The following AOPEP variants were observed in gnomAD, a reference collection of about 807,000 sequenced individuals.
AOPEP encodes the protein aminopeptidase O (putative), also known as aminopeptidase O.
A neutral mutation model predicts 98.1 loss-of-function variants in AOPEP; 77 were observed. The ratio of observed to expected loss-of-function variants is 0.78; its 90% confidence interval spans 0.65 to 0.95. The LOEUF (loss-of-function observed/expected upper bound fraction) is 0.95, where lower values mean the gene tolerates loss of function less well. AOPEP is among the 40% of genes least tolerant of loss of function. The probability of loss-of-function intolerance (pLI) is 0.00; values close to 1 mark genes in which losing one functional copy is unlikely to be tolerated. For missense variants in AOPEP, 1,024 were observed against 1,024.7 expected, an observed-to-expected ratio of 1.00 and a Z score of 0.01; for synonymous variants, 346 against 365.3, an observed-to-expected ratio of 0.95 and a Z score of 0.60.
At chr9:95,088,576 C>T (rs777874219), downstream of AOPEP, among the ~76,000 whole-genome samples, 3 of 152,126 alleles carry the variant, frequency 2.0e-5, no homozygotes, top group Non-Finnish European at 4.4e-5. Context: ...CCAGGAAGGA[C>T]CGTGGGAGTA....
At chr9:94,817,226 A>T (rs1851904105) in intron 5 of AOPEP, among the ~76,000 whole-genome samples, 1 of 152,124 alleles carries the variant, frequency 6.6e-6, no homozygotes, top group Non-Finnish European at 1.5e-5. Context: ...GCTGGTCGCG[A>T]ACTCCTGGAC....
At chr9:94,928,055 G>C (rs566704822) in intron 6 of AOPEP, among the ~76,000 whole-genome samples, 37 of 152,308 alleles carry the variant, frequency 2.4e-4, no homozygotes, top group African/African-American at 8.9e-4. Flanking sequence ...GTGAACGGTG[G>C]GGCCTTCCCC....
the AOPEP span, chr9:95,123,940 A>T: frequency 2.9e-5 from 11 of 375,138 alleles, no homozygotes; most frequent in Non-Finnish European, 4.6e-5. Flanking sequence ...GTACTTAATT[A>T]AAAAATACAA....
At chr9:95,027,877 A>G (rs1475982417) in intron 13 of AOPEP, among the ~76,000 whole-genome samples, 1 of 152,206 alleles carries the variant, frequency 6.6e-6, no homozygotes, top group Non-Finnish European at 1.5e-5. Context: ...TGAGCAAATC[A>G]AGTGAACCTA....
chr9:94,975,584 A>C (rs1173169545), intron 10 of AOPEP, among the ~76,000 whole-genome samples: 1 of 152,164 alleles, frequency 6.6e-6, no homozygotes, highest in Non-Finnish European at 1.5e-5. Context: ...GGGGCCCACT[A>C]TCTGCACAGT....
chr9:95,002,067 C>A lies in AOPEP; in HGVS notation c.1978-3091C>A, dbSNP rs565914690. ...GTGCGGGGATTACAGGTGTGAGCCA[C>A]CGTGCACAGCCTGTTTATAAAGTTA... On this transcript the variant is annotated intron_variant, in intron 11 of 16. Transcript: ENST00000375315. Among the ~76,000 whole-genome samples the A allele has an allele frequency of 6.0e-4, 91 of 152,072 alleles. 2 individuals carry two copies. Among genetic ancestry groups the A allele is most frequent in the Non-Finnish European group, 1.2e-3 (85 of 68,012 alleles).
chr9:94,810,800 T>G (rs1055753451), intron 5 of AOPEP, among the ~76,000 whole-genome samples: 1 of 152,222 alleles, frequency 6.6e-6, no homozygotes, highest in East Asian at 1.9e-4. Flanking sequence ...AGCAAAAGTT[T>G]CAGAAGGGGG....
At chr9:94,928,049 A>C (rs533003640) in intron 6 of AOPEP, among the ~76,000 whole-genome samples, 38 of 152,338 alleles carry the variant, frequency 2.5e-4, no homozygotes, top group African/African-American at 8.9e-4. Context: ...TCGGAGGTGA[A>C]CGGTGGGGCC....
At chr9:95,132,368 C>T in the AOPEP span, among the ~76,000 whole-genome samples, 56 of 152,320 alleles carry the variant, frequency 3.7e-4, no homozygotes, top group East Asian at 8.1e-3. Context: ...CTTGGGAAAC[C>T]GAACAATGCC....
chr9:94,879,963 G>A (rs943733330), intron 5 of AOPEP, among the ~76,000 whole-genome samples: 1 of 152,216 alleles, frequency 6.6e-6, no homozygotes, highest in Non-Finnish European at 1.5e-5. Flanking sequence ...GGCCCTTTGT[G>A]AATCCACGCT....
chr9:94,833,083 G>A (rs1457813883), intron 5 of AOPEP, among the ~76,000 whole-genome samples: 2 of 151,686 alleles, frequency 1.3e-5, no homozygotes, highest in East Asian at 1.9e-4. Flanking sequence ...TTATAGGTGC[G>A]TGCCACCATG....
intron 11 of AOPEP, among the ~76,000 whole-genome samples, chr9:94,993,502 A>G (rs990551620): frequency 7.9e-5 from 12 of 152,246 alleles, no homozygotes; most frequent in African/African-American, 2.7e-4. Context: ...ATTTTATAGC[A>G]AAACGTTGCA....
chr9:94,882,082 A>G (rs997341502), intron 5 of AOPEP, among the ~76,000 whole-genome samples: 5 of 152,358 alleles, frequency 3.3e-5, no homozygotes, highest in Admixed American at 6.5e-5. Context: ...GCTCAGCTTT[A>G]GAACATGGAG....
intron 1 of AOPEP, among the ~76,000 whole-genome samples, chr9:94,739,666 T>G (rs1832629413): frequency 1.3e-5 from 2 of 151,696 alleles, no homozygotes; most frequent in African/African-American, 4.8e-5. Context: ...AAAAAAGATT[T>G]GGAGTGTTTA....
chr9:94,739,506 G>T (rs1001371854), intron 1 of AOPEP, among the ~76,000 whole-genome samples: 1 of 151,986 alleles, frequency 6.6e-6, no homozygotes, highest in Non-Finnish European at 1.5e-5. Context: ...TTAGCCAGGC[G>T]TGGTGGCAGG....
intron 13 of AOPEP, chr9:95,020,033 TGA>T (rs1332730740): frequency 6.6e-6 from 1 of 152,252 alleles, no homozygotes; most frequent in African/African-American, 2.4e-5. Context: ...GCTGGAGTTG[TGA>T]GAGCTGGGAA....
At chr9:94,954,169 CA>C (rs1195340587) in intron 7 of AOPEP, among the ~76,000 whole-genome samples, 2 of 152,024 alleles carry the variant, frequency 1.3e-5, no homozygotes, top group Non-Finnish European at 1.5e-5. Flanking sequence ...CAGAAAAAAA[CA>C]AAAATTAGCT....
At chr9:94,773,199 G>C in intron 3 of AOPEP, 31 bp downstream of exon 3, 1 of 1,592,412 alleles carries the variant, frequency 6.3e-7, no homozygotes, top group Non-Finnish European at 8.6e-7. Flanking sequence ...GCTTATTTAT[G>C]TATTGCACAC....
At position 95,086,259 on chromosome 9, in the gene AOPEP, T is replaced by C. The variant is rs1000887918; in HGVS notation, c.*5-423T>C. The C allele has an allele frequency of 4.1e-6, 5 of 1,217,718 alleles. No individual in the cohort carries two copies. The African/African-American group carries it at 7.9e-5, about 19-fold the overall frequency. 75.4% of individuals were successfully genotyped at this position (1,217,718 alleles called of 1,614,324 possible). On this transcript the variant is annotated intron_variant, in intron 16 of 16. Transcript: ENST00000375315. ...TCCTGCGGCGTGGGGGTTTGTAGACTTGGAAAACCCTGTTGGCAGAAAGTT... is the reference window on the plus strand; with the variant it reads ...TCCTGCGGCGTGGGGGTTTGTAGACCTGGAAAACCCTGTTGGCAGAAAGTT...
Sources: allele counts gnomAD v4.1 joint callset (sites outside exome capture counted in the v4.1 genomes callset), GRCh38; gene constraint gnomAD v4.1.1; transcripts MANE v1.5; gene names NCBI Gene and HGNC (gene_info 2026-07-23, HGNC 2026-07-21).